The following AFG1L variants were observed in gnomAD, a reference collection of about 807,000 sequenced individuals.
AFG1L encodes the protein AFG1 like ATPase, also known as AFG1-like ATPase.
Under a neutral mutation model 62.2 loss-of-function variants are expected in AFG1L, and 53 were observed. That is an observed-to-expected ratio of 0.85 (90% CI 0.68 to 1.07). The LOEUF (loss-of-function observed/expected upper bound fraction) is 1.07. AFG1L is among the 50% of genes least tolerant of loss of function. AFG1L has a pLI of 0.00. For missense variants in AFG1L, 555 were observed against 590.5 expected (o/e 0.94, Z 0.62); for synonymous variants, 228 against 210.3 (o/e 1.08, Z -0.73).
chr6:108,430,881 A>G (rs989984445), intron 7 of AFG1L, among the ~76,000 whole-genome samples: 4 of 152,206 alleles, frequency 2.6e-5, no homozygotes, highest in Non-Finnish European at 5.9e-5. Flanking sequence ...GTAACTCTTC[A>G]TATTAACATT....
chr6:108,513,719 C>A (rs1413998629), intron 11 of AFG1L, among the ~76,000 whole-genome samples: 3 of 152,184 alleles, frequency 2.0e-5, no homozygotes, highest in Non-Finnish European at 4.4e-5. Context: ...GCAGCAGAAA[C>A]CTCTGCAGAC....
At chr6:108,347,157 A>G in intron 3 of AFG1L, 118 bp downstream of exon 3, 1 of 821,990 alleles carries the variant, frequency 1.2e-6, no homozygotes, top group South Asian at 1.5e-5. Context: ...AGGATGAGGC[A>G]GGGTAAGGTA....
intron 10 of AFG1L, among the ~76,000 whole-genome samples, chr6:108,479,480 A>C (rs893086887): frequency 6.6e-6 from 1 of 152,162 alleles, no homozygotes; most frequent in Non-Finnish European, 1.5e-5. Flanking sequence ...CATTGACGTG[A>C]TAAGTGGGGT....
At chr6:108,382,924 A>G (rs1780610945) in intron 6 of AFG1L, among the ~76,000 whole-genome samples, 1 of 152,222 alleles carries the variant, frequency 6.6e-6, no homozygotes, top group African/African-American at 2.4e-5. Context: ...AAGATACTGC[A>G]GCAATAAATC....
At chr6:108,307,412 ATTT>A (rs5878975) in intron 1 of AFG1L, among the ~76,000 whole-genome samples, 5 of 136,514 alleles carry the variant, frequency 3.7e-5, no homozygotes, top group Non-Finnish European at 3.2e-5. Context: ...CTTTCATCTT[ATTT>A]TTTTTTTTTT....
intron 2 of AFG1L, among the ~76,000 whole-genome samples, chr6:108,325,361 A>T (rs561945217): frequency 5.9e-5 from 9 of 151,292 alleles, no homozygotes; most frequent in Non-Finnish European, 1.2e-4. Flanking sequence ...TGAAGGGCAC[A>T]CCATGGCACT....
At chr6:108,373,819 C>T (rs756286183) in intron 6 of AFG1L, among the ~76,000 whole-genome samples, 30 of 152,130 alleles carry the variant, frequency 2.0e-4, no homozygotes, top group Non-Finnish European at 3.7e-4. Context: ...ATCAAGTGAT[C>T]CACTTGCCTC....
intron 1 of AFG1L, among the ~76,000 whole-genome samples, chr6:108,322,954 C>T (rs1471286307): frequency 6.6e-6 from 1 of 152,192 alleles, no homozygotes; most frequent in Non-Finnish European, 1.5e-5. Flanking sequence ...GAACACCACC[C>T]TGCTTTGAAG....
chr6:108,359,148 A>T (rs1779421375), intron 5 of AFG1L: 1 of 152,070 alleles, frequency 6.6e-6, no homozygotes, highest in Non-Finnish European at 1.5e-5. Context: ...TTAATTGAGG[A>T]TGGGGCTTAT....
chr6:108,382,967 G>A (rs749785441), intron 6 of AFG1L, among the ~76,000 whole-genome samples: 7 of 152,210 alleles, frequency 4.6e-5, no homozygotes, highest in Non-Finnish European at 7.3e-5. Flanking sequence ...GCTGAGTGCC[G>A]TGGCTTATGC....
At chr6:108,396,569 C>T (rs1781319029) in intron 6 of AFG1L, among the ~76,000 whole-genome samples, 1 of 152,124 alleles carries the variant, frequency 6.6e-6, no homozygotes, top group South Asian at 2.1e-4. Flanking sequence ...TGGCTCACTG[C>T]AACCTCCACC....
At chr6:108,494,172 G>A (rs1351279769) in intron 10 of AFG1L, among the ~76,000 whole-genome samples, 1 of 151,296 alleles carries the variant, frequency 6.6e-6, no homozygotes, top group Non-Finnish European at 1.5e-5. Context: ...TTCCATCCCC[G>A]CTCCCCCTGC....
chr6:108,354,814 A>C (rs942473078), intron 3 of AFG1L, among the ~76,000 whole-genome samples: 2 of 152,076 alleles, frequency 1.3e-5, no homozygotes, highest in Admixed American at 1.3e-4. Flanking sequence ...ATATTTTTAG[A>C]CTATGGTTGA....
intron 1 of AFG1L, among the ~76,000 whole-genome samples, chr6:108,312,026 G>A (rs1372242241): frequency 1.3e-5 from 2 of 151,962 alleles, no homozygotes; most frequent in Admixed American, 6.6e-5. Context: ...CATCATGCCC[G>A]ACTAATTTTT....
chr6:108,358,326 T>C (rs181193404), intron 5 of AFG1L, among the ~76,000 whole-genome samples: 326 of 152,340 alleles, frequency 2.1e-3, no homozygotes, highest in African/African-American at 7.3e-3. Context: ...GGTTTATTAA[T>C]ACCTAGCCTT....
chr6:108,405,174 G>A (rs79944522), intron 7 of AFG1L, among the ~76,000 whole-genome samples: 4,028 of 152,164 alleles, frequency 0.026, 70 homozygotes, highest in Non-Finnish European at 0.041. Context: ...TAATTCTAAC[G>A]TCTCTGCCAT....
intron 6 of AFG1L, among the ~76,000 whole-genome samples, chr6:108,374,256 C>T (rs936657752): frequency 6.6e-6 from 1 of 152,072 alleles, no homozygotes; most frequent in Admixed American, 6.6e-5. Context: ...AGATGCATAG[C>T]TTGCAAATAT....
intron 6 of AFG1L, among the ~76,000 whole-genome samples, chr6:108,394,634 T>G (rs1423866761): frequency 6.6e-6 from 1 of 152,218 alleles, no homozygotes; most frequent in Non-Finnish European, 1.5e-5. Context: ...GAGATTAATC[T>G]ATTTTGCTAT....
intron 8 of AFG1L, among the ~76,000 whole-genome samples, chr6:108,452,304 G>C (rs1346092707): frequency 6.6e-6 from 1 of 152,148 alleles, no homozygotes; most frequent in Non-Finnish European, 1.5e-5. Context: ...AAGGATCCAT[G>C]ATATGCTTCC....
Sources: gnomAD v4.1 joint callset for allele counts (sites outside exome capture counted in the v4.1 genomes callset) on GRCh38, gnomAD v4.1.1 for gene constraint, MANE v1.5 for transcripts, NCBI Gene and HGNC (gene_info 2026-07-23, HGNC 2026-07-21) for gene names.